The following PBRM1 variants were observed in gnomAD, a reference collection of about 807,000 sequenced individuals.
PBRM1 encodes the protein polybromo 1.
In PBRM1, 27 loss-of-function variants were observed where a neutral mutation model predicts 194.5. That is an observed-to-expected ratio of 0.14 (90% confidence interval 0.10 to 0.19). The LOEUF (loss-of-function observed/expected upper bound fraction) is 0.19. PBRM1 is among the 10% of genes least tolerant of loss of function. PBRM1 has a pLI of 1.00. For missense variants in PBRM1, 1,466 were observed against 2,077.2 expected, an observed-to-expected ratio of 0.71 and a Z score of 5.72; for synonymous variants, 655 against 693.2, an observed-to-expected ratio of 0.94 and a Z score of 0.87.
At chr3:52,554,547 G>T (rs959930508) in intron 27 of PBRM1, among the ~76,000 whole-genome samples, 177 bp downstream of exon 29, 3 of 152,272 alleles carry the variant, frequency 2.0e-5, no homozygotes, top group African/African-American at 4.8e-5. Context: ...AAGGGCACAA[G>T]TGCTGGGCCA....
intron 10 of PBRM1, among the ~76,000 whole-genome samples, chr3:52,639,566 T>A (rs1022338282): frequency 1.3e-5 from 2 of 151,818 alleles, no homozygotes; most frequent in Middle Eastern, 3.2e-3. Context: ...GCTTATTTTT[T>A]AAATTTTTCT....
Position 52,636,035 on chromosome 3 carries a change from G to T in PBRM1, c.1088-1220C>A, listed in dbSNP as rs530193686. On this transcript the variant is annotated intron_variant, in intron 10 of 29. Coordinates refer to ENST00000296302, the Ensembl canonical transcript of PBRM1. Reference sequence around the variant, plus strand: ...TGTGCCACCACGCCTGGCCAATTTGGTTTTTTTTTGTATTTTTAGTAGAGA... The same window carrying T: ...TGTGCCACCACGCCTGGCCAATTTGTTTTTTTTTTGTATTTTTAGTAGAGA... Among the ~76,000 whole-genome samples, 747 of 150,764 alleles carry T rather than the reference G, an allele frequency of 5.0e-3. 3 individuals are homozygous for T. Among genetic ancestry groups the T allele is most frequent in the South Asian group, 0.024 (115 of 4,732 alleles).
At chr3:52,643,256 C>T in exon 9 of PBRM1, 1 of 1,610,390 alleles carries the variant, frequency 6.2e-7, no homozygotes, top group Non-Finnish European at 8.5e-7. Context: ...ACCGGTAATA[C>T]TTGCTAGTGG....
At chr3:52,552,988 C>A (rs2081331944) in intron 27 of PBRM1, among the ~76,000 whole-genome samples, 1 of 152,238 alleles carries the variant, frequency 6.6e-6, no homozygotes, top group South Asian at 2.1e-4. Flanking sequence ...CTAAGCAACT[C>A]TCACAAAGAG....
chr3:52,607,317 C>T (rs1046572598), intron 16 of PBRM1, among the ~76,000 whole-genome samples: 48 of 152,028 alleles, frequency 3.2e-4, no homozygotes, highest in African/African-American at 1.1e-3. Context: ...CCAGGGATCC[C>T]TTTTGTTTTT....
At chr3:52,547,761 C>T (rs2079865508), downstream of PBRM1, 1 of 268,078 alleles carries the variant, frequency 3.7e-6, no homozygotes, top group Non-Finnish European at 7.1e-6. Context: ...GGTTTCAGTT[C>T]CATGGCAACA....
At chr3:52,637,120 G>C (rs2095853505) in intron 10 of PBRM1, among the ~76,000 whole-genome samples, 1 of 152,096 alleles carries the variant, frequency 6.6e-6, no homozygotes, top group Admixed American at 6.5e-5. Context: ...CTCCCCTAAA[G>C]AGCCTGCAGT....
chr3:52,625,100 A>G (rs923916705), intron 13 of PBRM1, among the ~76,000 whole-genome samples, 159 bp from the exon 15 acceptor site: 2 of 152,242 alleles, frequency 1.3e-5, no homozygotes, highest in Admixed American at 6.5e-5. Context: ...AGATGTTGGC[A>G]GAAAGAATGC....
intron 11 of PBRM1, among the ~76,000 whole-genome samples, chr3:52,631,591 T>C (rs766240027): frequency 8.5e-5 from 13 of 152,232 alleles, no homozygotes; most frequent in Non-Finnish European, 1.9e-4. Context: ...TGCAGCAGCA[T>C]GATCTTGGCT....
At chr3:52,622,097 TGA>T (rs1343003481) in intron 13 of PBRM1, among the ~76,000 whole-genome samples, 3 of 151,650 alleles carry the variant, frequency 2.0e-5, no homozygotes, top group Non-Finnish European at 4.4e-5. Flanking sequence ...CCCAGCACTG[TGA>T]GAGGCCGAGG....
exon 5 of PBRM1, chr3:52,658,242 C>A: frequency 6.2e-7 from 1 of 1,612,702 alleles, no homozygotes; most frequent in Non-Finnish European, 8.5e-7. Flanking sequence ...AATGAGACGT[C>A]CTGATGGATT....
At chr3:52,585,958 C>CAA (rs2092317990) in intron 20 of PBRM1, 1 of 151,240 alleles carries the variant, frequency 6.6e-6, no homozygotes, top group Non-Finnish European at 1.5e-5. Context: ...TTTTTTGAGA[C>CAA]AGAGACTCAC....
At chr3:52,621,489 T>G (rs1187592156) in intron 13 of PBRM1, among the ~76,000 whole-genome samples, 3 of 152,206 alleles carry the variant, frequency 2.0e-5, no homozygotes, top group East Asian at 1.9e-4. Context: ...AATGTCACTT[T>G]GCTTTTCAGA....
intron 4 of PBRM1, among the ~76,000 whole-genome samples, chr3:52,660,412 A>G (rs1274900590): frequency 6.6e-6 from 1 of 152,038 alleles, no homozygotes; most frequent in African/African-American, 2.4e-5. Context: ...CTATATACAT[A>G]TATTTACATA....
rs893061587 is a variant in PBRM1, at chr3:52,643,178, T to C, written c.995+70A>G. The C allele has an allele frequency of 3.8e-6, 4 of 1,061,680 alleles. No individual in the cohort carries two copies. In the African/African-American group the frequency reaches 4.7e-5, roughly 12 times the overall value. 65.8% of individuals were successfully genotyped at this position (1,061,680 alleles called of 1,614,324 possible). Reference sequence around the variant, plus strand: ...AAAAATATTCCTTCAAGATAGCCATTGGGCAAATACTAGTATGCCTATCTT... The same window carrying C: ...AAAAATATTCCTTCAAGATAGCCATCGGGCAAATACTAGTATGCCTATCTT... On this transcript the variant is annotated intron_variant, in intron 9 of 29. Coordinates refer to ENST00000296302, the Ensembl canonical transcript of PBRM1.
exon 5 of PBRM1, chr3:52,658,314 G>A: frequency 6.5e-7 from 1 of 1,538,218 alleles, no homozygotes; most frequent in Middle Eastern, 1.7e-4. Flanking sequence ...AGCTGGAGAA[G>A]ACTGGTAATG....
At chr3:52,674,058 A>G (rs1472179720) in intron 2 of PBRM1, among the ~76,000 whole-genome samples, 2 of 122,122 alleles carry the variant, frequency 1.6e-5, no homozygotes, top group African/African-American at 5.9e-5. Flanking sequence ...CTCAAAAAAA[A>G]AATATATATA....
intron 17 of PBRM1, among the ~76,000 whole-genome samples, chr3:52,600,137 T>A (rs1021770516): frequency 6.6e-6 from 1 of 152,224 alleles, no homozygotes; most frequent in Non-Finnish European, 1.5e-5. Flanking sequence ...ATCCTTTCTA[T>A]GTGTTGGGAA....
chr3:52,562,062 C>G, intron 24 of PBRM1, 94 bp from the exon 27 acceptor site: 1 of 907,864 alleles, frequency 1.1e-6, no homozygotes, highest in East Asian at 2.4e-5. Context: ...TGGCTCACAC[C>G]TGTAATCCCA....
Sources: allele counts gnomAD v4.1 joint callset (sites outside exome capture counted in the v4.1 genomes callset), GRCh38; gene constraint gnomAD v4.1.1; transcripts MANE v1.5; gene names NCBI Gene and HGNC (gene_info 2026-07-23, HGNC 2026-07-21).